Variants in RARB observed in about 807,000 individuals in gnomAD.
RARB encodes HBV-activated protein.
RARB carries 17 observed loss-of-function variants against 51.9 expected under a neutral mutation model. That is an observed-to-expected ratio of 0.33 (90% CI 0.22 to 0.49). The LOEUF is 0.49. RARB is among the 20% of genes least tolerant of loss of function. The pLI, the probability that RARB is intolerant of heterozygous loss-of-function variation, is 0.99. For missense variants in RARB, 369 were observed against 550.8 expected, an observed-to-expected ratio of 0.67 and a Z score of 3.30; for synonymous variants, 215 against 195.4, an observed-to-expected ratio of 1.10 and a Z score of -0.84.
intron 3 of RARB, among the ~76,000 whole-genome samples, chr3:25,129,314 C>G (rs754257571): frequency 1.3e-5 from 2 of 151,948 alleles, no homozygotes; most frequent in Non-Finnish European, 2.9e-5. Flanking sequence ...TATTTTTCCA[C>G]AATATATATT....
rs114127296 is a variant in RARB at position 24,967,203 on chromosome 3, A to G, written c.-379-92922A>G. Reference sequence around the variant, plus strand: ...CTTGTGGCTGCCACTTTGACAGGAGATAAGCTTCTCGTTGGTCACAGTTGG... The same window carrying G: ...CTTGTGGCTGCCACTTTGACAGGAGGTAAGCTTCTCGTTGGTCACAGTTGG... On this transcript the variant is annotated intron_variant, in intron 2 of 11. Coordinates refer to the RARB transcript ENST00000383772. 8.6e-3 allele frequency among the ~76,000 whole-genome samples: 1,307 copies of G among 152,128 alleles called. 13 individuals are homozygous for G. The highest frequency in any genetic ancestry group is 0.03 in the African/African-American group (1,262 of 41,494).
intron 3 of RARB, among the ~76,000 whole-genome samples, chr3:25,529,198 T>C (rs371476548): frequency 6.6e-6 from 1 of 152,126 alleles, no homozygotes; most frequent in Non-Finnish European, 1.5e-5. Context: ...GAAAAAAATA[T>C]AGCTATTGCC....
chr3:24,952,062 A>G (rs1385592101), intron 2 of RARB, among the ~76,000 whole-genome samples: 1 of 152,172 alleles, frequency 6.6e-6, no homozygotes, highest in African/African-American at 2.4e-5. Context: ...AGCTTTCTCC[A>G]TAACTTTTCT....
intron 2 of RARB, among the ~76,000 whole-genome samples, chr3:24,946,263 CAAA>C (rs201010416): frequency 0.49 from 56,692 of 114,658 alleles, 12,275 homozygotes; most frequent in East Asian, 0.65. Context: ...GACTCCATCT[CAAA>C]AAAAAAAAAA....
chr3:25,581,001 C>A (rs925403176), intron 5 of RARB, among the ~76,000 whole-genome samples: 3 of 152,082 alleles, frequency 2.0e-5, no homozygotes, highest in African/African-American at 7.2e-5. Flanking sequence ...CTAAGTTTAC[C>A]CCAGACCCCC....
rs373578752 is a variant in RARB, at chr3:25,580,582, G to T, written c.646G>T (p.Gly216Cys). 1.9e-6 allele frequency: 3 copies of T among 1,607,994 alleles called. No homozygotes were observed. The African/African-American group carries it at 4.0e-5, about 21-fold the overall frequency. Residue 216 changes from glycine to cysteine, a missense_variant, in exon 5 of 8, where the codon GGC becomes TGC. Gly to Cys is a radical substitution (Grantham distance 159). Coordinates refer to ENST00000330688, the MANE Select transcript of RARB (RefSeq NM_000965.5). Reference protein sequence around the residue: ...SADHRVRLDLGLWDKFSELAT... With the variant: ...SADHRVRLDLCLWDKFSELAT... ...TGACCATCGAGTCCGACTGGACCTG[G>T]GCCTCTGGGACAAATTCAGTGAACT...
At chr3:25,506,175 C>T (rs1474051391) in intron 3 of RARB, among the ~76,000 whole-genome samples, 1 of 140,940 alleles carries the variant, frequency 7.1e-6, no homozygotes, top group Non-Finnish European at 1.5e-5. Flanking sequence ...ATCGCTTGAA[C>T]TTGGGAGGCG....
intron 5 of RARB, among the ~76,000 whole-genome samples, chr3:25,269,269 C>A (rs79404771): frequency 0.027 from 4,079 of 152,204 alleles, 154 homozygotes; most frequent in African/African-American, 0.087. Flanking sequence ...CTTAAGTATT[C>A]TGAAATGAAA....
intron 4 of RARB, among the ~76,000 whole-genome samples, chr3:25,135,933 T>G (rs1302120044): frequency 2.0e-5 from 2 of 99,994 alleles, no homozygotes; most frequent in African/African-American, 7.7e-5. Flanking sequence ...AAAATTCCTT[T>G]CATTAAAAAA....
intron 2 of RARB, among the ~76,000 whole-genome samples, chr3:24,958,271 T>TTG (rs1559411550): frequency 1.5e-5 from 2 of 137,520 alleles, no homozygotes; most frequent in East Asian, 5.4e-4. Flanking sequence ...TTTTTTTTTT[T>TTG]TTTTTTTTTT....
At chr3:25,537,683 G>C (rs1378910548) in intron 3 of RARB, among the ~76,000 whole-genome samples, 1 of 152,124 alleles carries the variant, frequency 6.6e-6, no homozygotes, top group East Asian at 1.9e-4. Flanking sequence ...GCCCAACTCT[G>C]AATCATGATG....
At chr3:25,375,482 G>C (rs1247755551) in intron 5 of RARB, among the ~76,000 whole-genome samples, 1 of 152,154 alleles carries the variant, frequency 6.6e-6, no homozygotes, top group Non-Finnish European at 1.5e-5. Flanking sequence ...AGTCAGGCAA[G>C]GTGATCAGTT....
In RARB at chr3:25,308,448, C is replaced by CTTT. The variant is rs549224085; in HGVS notation, c.178+133889_178+133891dup. Among the ~76,000 whole-genome samples the CTTT allele has an allele frequency of 1.3e-3, 171 of 130,714 alleles. 1 individual carries two copies. The highest frequency in any genetic ancestry group is 3.9e-3 in the Middle Eastern group (1 of 254). The allele number at this position is 130,714 out of a possible 152,430, so 85.8% of individuals were successfully genotyped here. A position where few individuals can be genotyped will look rare whatever the true frequency, so the allele number is the denominator to read the frequency against. On this transcript the variant is annotated intron_variant, in intron 5 of 11. Coordinates refer to the RARB transcript ENST00000383772. ...TCTCCCTGACTGGTTTTCTTTCTTTCTTTTTTTTTTTTTTTTTTGAGACAG... is the reference window on the plus strand; with the variant it reads ...TCTCCCTGACTGGTTTTCTTTCTTTCTTTTTTTTTTTTTTTTTTTTTGAGACAG...
intron 5 of RARB, among the ~76,000 whole-genome samples, chr3:25,318,300 C>T (rs188684121): frequency 1.3e-5 from 2 of 152,152 alleles, no homozygotes; most frequent in Admixed American, 1.3e-4. Flanking sequence ...ATTTGGTTCT[C>T]GAGTTATTAT....
At chr3:25,163,222 T>C (rs1700500798) in intron 4 of RARB, among the ~76,000 whole-genome samples, 1 of 152,068 alleles carries the variant, frequency 6.6e-6, no homozygotes, top group African/African-American at 2.4e-5. Flanking sequence ...AAAATAATTA[T>C]TTGTGGTGTG....
chr3:24,856,837 C>T lies in RARB; in HGVS notation c.-458-1837C>T, dbSNP rs148744211. ...GGCAATACTTAAGGAGTCTGTATCT[C>T]GAAAAAGCAATTGGATTAAGTTGCT... On this transcript the variant is annotated intron_variant, in intron 1 of 11. Coordinates refer to the RARB transcript ENST00000383772. Among the ~76,000 whole-genome samples the T allele has an allele frequency of 4.6e-5, 7 of 152,212 alleles. No individual in the cohort carries two copies. In the East Asian group the frequency reaches 5.8e-4, roughly 13 times the overall value.
At chr3:25,205,089 G>C in intron 5 of RARB, among the ~76,000 whole-genome samples, 1 of 152,156 alleles carries the variant, frequency 6.6e-6, no homozygotes, top group Non-Finnish European at 1.5e-5. Flanking sequence ...CGAGCTTCCT[G>C]GCTGCTTTGG....
At chr3:24,889,863 T>C (rs531200744) in intron 2 of RARB, among the ~76,000 whole-genome samples, 12 of 151,296 alleles carry the variant, frequency 7.9e-5, no homozygotes, top group African/African-American at 2.7e-4. Context: ...TTGAGAATTT[T>C]GGCAGACCAT....
chr3:25,382,136 C>T (rs73157833), intron 5 of RARB, among the ~76,000 whole-genome samples: 1 of 151,954 alleles, frequency 6.6e-6, no homozygotes, highest in Non-Finnish European at 1.5e-5. Context: ...AGTAGGAGTC[C>T]AAAAGCATAT....
Sources: gnomAD v4.1 joint callset for allele counts (sites outside exome capture counted in the v4.1 genomes callset) on GRCh38, gnomAD v4.1.1 for gene constraint, MANE v1.5 for transcripts, NCBI Gene and HGNC (gene_info 2026-07-23, HGNC 2026-07-21) for gene names.